The following ULK4 variants were observed in gnomAD, a reference collection of about 807,000 sequenced individuals.
ULK4 encodes inactive serine/threonine-protein kinase ULK4.
ULK4 carries 133 observed loss-of-function variants against 160.6 expected under a neutral mutation model. That is an observed-to-expected ratio of 0.83 (90% CI 0.72 to 0.96). The LOEUF (loss-of-function observed/expected upper bound fraction) is 0.96. Ranked by LOEUF, ULK4 falls within the 40% of genes least tolerant of loss-of-function variation. ULK4 has a pLI of 0.00. For synonymous variants in ULK4, 534 were observed against 539.8 expected (o/e 0.99, Z 0.15); for missense variants, 1,580 against 1,499.5 (o/e 1.05, Z -0.89).
At chr3:41,891,724 G>A (rs372058829) in intron 16 of ULK4, among the ~76,000 whole-genome samples, 18 of 152,204 alleles carry the variant, frequency 1.2e-4, no homozygotes, top group South Asian at 1.0e-3. Context: ...TGGCCAACAC[G>A]GTAAAACCTC....
At chr3:41,441,018 C>A (rs2083154937) in intron 34 of ULK4, among the ~76,000 whole-genome samples, 1 of 151,962 alleles carries the variant, frequency 6.6e-6, no homozygotes, top group Admixed American at 6.6e-5. Context: ...CTGATACAGG[C>A]AAGTAGTGTC....
At chr3:41,332,413 T>G (rs1460006995) in intron 35 of ULK4, among the ~76,000 whole-genome samples, 3 of 152,358 alleles carry the variant, frequency 2.0e-5, no homozygotes, top group South Asian at 2.1e-4. Flanking sequence ...TATGACACTT[T>G]GTGCTACAAA....
intron 32 of ULK4, among the ~76,000 whole-genome samples, chr3:41,563,892 T>C (rs2087692089): frequency 6.6e-6 from 1 of 152,180 alleles, no homozygotes; most frequent in South Asian, 2.1e-4. Context: ...CTGTCCAGCT[T>C]TGTTCCGTTG....
At chr3:41,468,972 A>T (rs1381382243) in intron 32 of ULK4, among the ~76,000 whole-genome samples, 2 of 152,192 alleles carry the variant, frequency 1.3e-5, no homozygotes, top group African/African-American at 4.8e-5. Flanking sequence ...AGTAGTGCCC[A>T]ATCAGTGGTA....
intron 35 of ULK4, among the ~76,000 whole-genome samples, chr3:41,255,323 A>G (rs1244900819): frequency 1.3e-5 from 2 of 152,124 alleles, no homozygotes; most frequent in Non-Finnish European, 2.9e-5. Flanking sequence ...TTCTACTAAA[A>G]ATAAAAAAAA....
intron 31 of ULK4, among the ~76,000 whole-genome samples, chr3:41,571,774 A>G (rs1489786039): frequency 1.3e-5 from 2 of 152,214 alleles, no homozygotes; most frequent in Admixed American, 6.5e-5. Flanking sequence ...AGGGCAATAC[A>G]GGGGATTAGG....
intron 22 of ULK4, among the ~76,000 whole-genome samples, chr3:41,751,095 T>G (rs568815968): frequency 1.3e-5 from 2 of 151,540 alleles, no homozygotes; most frequent in East Asian, 3.9e-4. Flanking sequence ...AAGTACCATG[T>G]TTCCCTAAAT....
At chr3:41,399,520 T>A (rs540737611) in intron 34 of ULK4, among the ~76,000 whole-genome samples, 1 of 152,304 alleles carries the variant, frequency 6.6e-6, no homozygotes, top group Admixed American at 6.5e-5. Context: ...AACTTTTTTT[T>A]TATACTTGGG....
intron 19 of ULK4, among the ~76,000 whole-genome samples, chr3:41,812,504 TG>T (rs1313770221): frequency 6.6e-6 from 1 of 152,176 alleles, no homozygotes; most frequent in Non-Finnish European, 1.5e-5. Context: ...CATGATAATA[TG>T]GAATAACGAT....
intron 17 of ULK4, among the ~76,000 whole-genome samples, chr3:41,845,963 T>C (rs17282671): frequency 0.12 from 18,593 of 152,286 alleles, 1,340 homozygotes; most frequent in Middle Eastern, 0.27. Context: ...TATAATCCAC[T>C]AGTATTTTGT....
At chr3:41,409,773 A>C (rs2082373593) in intron 34 of ULK4, among the ~76,000 whole-genome samples, 1 of 151,994 alleles carries the variant, frequency 6.6e-6, no homozygotes, top group Admixed American at 6.6e-5. Context: ...ACATGGTGAA[A>C]CCTCATCTCT....
chr3:41,674,105 C>G (rs1386870424), intron 29 of ULK4, among the ~76,000 whole-genome samples: 1 of 152,164 alleles, frequency 6.6e-6, no homozygotes. Context: ...CGATACAGTA[C>G]TAATACAAAT....
At chr3:41,541,619 A>T (rs2125953721) in intron 32 of ULK4, among the ~76,000 whole-genome samples, 1 of 152,306 alleles carries the variant, frequency 6.6e-6, no homozygotes, top group South Asian at 2.1e-4. Context: ...TACTTTGGGA[A>T]GTATGGCCAT....
intron 23 of ULK4, among the ~76,000 whole-genome samples, chr3:41,716,121 G>A (rs963045264): frequency 1.3e-5 from 2 of 151,130 alleles, no homozygotes; most frequent in Admixed American, 6.6e-5. Flanking sequence ...GCTGAGGCAG[G>A]AGAATCACTT....
intron 20 of ULK4, among the ~76,000 whole-genome samples, chr3:41,791,868 G>A (rs1343183209): frequency 1.3e-5 from 2 of 152,128 alleles, no homozygotes; most frequent in Admixed American, 1.3e-4. Context: ...ACTATCATAT[G>A]AAACACCTAT....
chr3:41,414,524 C>T (rs982029945), intron 34 of ULK4, among the ~76,000 whole-genome samples: 4 of 152,114 alleles, frequency 2.6e-5, no homozygotes, highest in African/African-American at 9.7e-5. Context: ...TGGTTCAGTG[C>T]TTTGTCAAAA....
intron 12 of ULK4, among the ~76,000 whole-genome samples, chr3:41,902,588 GAAAAAAA>G (rs537842940): frequency 1.1e-5 from 1 of 94,762 alleles, no homozygotes; most frequent in Admixed American, 1.2e-4. Context: ...AAAAAAAAAA[GAAAAAAA>G]AAAAAAAGGC....
At chr3:41,782,877 T>G (rs2039895303) in intron 21 of ULK4, among the ~76,000 whole-genome samples, 2 of 152,162 alleles carry the variant, frequency 1.3e-5, no homozygotes. Context: ...AGGAATGAAT[T>G]GCAATACCTT....
chr3:41,656,382 A>G (rs531592755), intron 30 of ULK4, among the ~76,000 whole-genome samples: 17 of 152,278 alleles, frequency 1.1e-4, no homozygotes, highest in African/African-American at 4.1e-4. Context: ...CTTGGGTTAA[A>G]TTCCTTTAGA....
Sources: gnomAD v4.1 joint callset for allele counts (sites outside exome capture counted in the v4.1 genomes callset) on GRCh38, gnomAD v4.1.1 for gene constraint, MANE v1.5 for transcripts, NCBI Gene and HGNC (gene_info 2026-07-23, HGNC 2026-07-21) for gene names.